ARPP21: variants seen among roughly 807,000 people sequenced by gnomAD.
ARPP21 encodes cAMP regulated phosphoprotein 21, also known as cAMP-regulated phosphoprotein 21.
ARPP21 carries 69 observed loss-of-function variants against 113.2 expected under a neutral mutation model. The observed-to-expected ratio is 0.61, with a 90% CI of 0.50 to 0.74. The LOEUF (loss-of-function observed/expected upper bound fraction) is 0.74, where lower values mean the gene tolerates loss of function less well. Among genes scored for constraint, ARPP21 ranks in the 30% least tolerant of loss-of-function variants. ARPP21 has a pLI of 0.00. For synonymous variants in ARPP21, 368 were observed against 375.5 expected (o/e 0.98, Z 0.23); for missense variants, 1,070 against 1,037.4 (o/e 1.03, Z -0.43).
chr3:35,758,289 C>T (rs1041679364), intron 19 of ARPP21, among the ~76,000 whole-genome samples: 3 of 151,790 alleles, frequency 2.0e-5, no homozygotes, highest in East Asian at 1.9e-4. Flanking sequence ...ACTTGGGGGG[C>T]GGGGGAACTA....
intron 1 of ARPP21, among the ~76,000 whole-genome samples, chr3:35,659,013 G>A (rs897471576): frequency 2.0e-5 from 3 of 152,094 alleles, no homozygotes; most frequent in African/African-American, 7.2e-5. Context: ...AAATGATAAA[G>A]TCTTTGAATT....
intron 19 of ARPP21, among the ~76,000 whole-genome samples, chr3:35,780,551 C>T (rs1475178449): frequency 6.6e-6 from 1 of 151,986 alleles, no homozygotes; most frequent in African/African-American, 2.4e-5. Context: ...GTGTAATTTG[C>T]CAGATCCCAC....
At chr3:35,706,259 C>G (rs1319569778) in intron 9 of ARPP21, among the ~76,000 whole-genome samples, 1 of 152,070 alleles carries the variant, frequency 6.6e-6, no homozygotes, top group African/African-American at 2.4e-5. Context: ...GGAAGTGGAG[C>G]CCTTTCCTTT....
intron 1 of ARPP21, among the ~76,000 whole-genome samples, chr3:35,653,133 A>G (rs916843504): frequency 6.6e-6 from 1 of 151,926 alleles, no homozygotes; most frequent in Non-Finnish European, 1.5e-5. Context: ...ATGTTACCTG[A>G]TATTTATAAA....
At chr3:35,767,561 A>G (rs936865348) in intron 19 of ARPP21, among the ~76,000 whole-genome samples, 2 of 152,148 alleles carry the variant, frequency 1.3e-5, no homozygotes, top group Non-Finnish European at 2.9e-5. Flanking sequence ...AAAAATGCCA[A>G]GTTTTATAAT....
At chr3:35,748,462 GAA>G (rs1204129614) in intron 19 of ARPP21, among the ~76,000 whole-genome samples, 8 of 137,148 alleles carry the variant, frequency 5.8e-5, no homozygotes, top group African/African-American at 8.1e-5. Context: ...GAAAGAAAAA[GAA>G]AGAGAGAGAG....
At chr3:35,654,701 A>G (rs1336324577) in intron 1 of ARPP21, among the ~76,000 whole-genome samples, 1 of 152,036 alleles carries the variant, frequency 6.6e-6, no homozygotes, top group Non-Finnish European at 1.5e-5. Context: ...GTGCAGGATC[A>G]GGGTGGCCTT....
intron 2 of ARPP21, among the ~76,000 whole-genome samples, chr3:35,680,361 G>A (rs1247707966): frequency 6.6e-6 from 1 of 151,852 alleles, no homozygotes; most frequent in Non-Finnish European, 1.5e-5. Flanking sequence ...TTGCTTACTA[G>A]TCACTTTACA....
intron 9 of ARPP21, among the ~76,000 whole-genome samples, chr3:35,695,011 A>G (rs552913835): frequency 3.1e-4 from 46 of 149,914 alleles, no homozygotes; most frequent in Non-Finnish European, 5.9e-4. Context: ...ATAAAAATGT[A>G]AGCTTTACTC....
At chr3:35,665,443 ACT>A (rs2074107527) in intron 1 of ARPP21, among the ~76,000 whole-genome samples, 1 of 152,156 alleles carries the variant, frequency 6.6e-6, no homozygotes, top group Admixed American at 6.5e-5. Flanking sequence ...ATACATGGAC[ACT>A]CTAAAAATAT....
At chr3:35,691,134 C>A in intron 9 of ARPP21, 129 bp downstream of exon 9, 1 of 996,606 alleles carries the variant, frequency 1.0e-6, no homozygotes, top group Non-Finnish European at 1.4e-6. Context: ...TTGCTCTTAT[C>A]AGAAGTAGTG....
chr3:35,668,993 T>C (rs370666064), intron 1 of ARPP21, among the ~76,000 whole-genome samples: 1 of 152,156 alleles, frequency 6.6e-6, no homozygotes. Flanking sequence ...CAATAAAGAA[T>C]AAATGACCCC....
At chr3:35,697,947 A>G (rs2084698926) in intron 9 of ARPP21, among the ~76,000 whole-genome samples, 3 of 151,670 alleles carry the variant, frequency 2.0e-5, no homozygotes, top group Non-Finnish European at 4.4e-5. Flanking sequence ...CCAAGCATCA[A>G]TTTATTTAAG....
intron 19 of ARPP21, among the ~76,000 whole-genome samples, chr3:35,766,850 T>C (rs931195432): frequency 1.3e-5 from 2 of 152,126 alleles, no homozygotes; most frequent in African/African-American, 4.8e-5. Flanking sequence ...TGTGTGTGTG[T>C]GTACATGAAT....
intron 19 of ARPP21, among the ~76,000 whole-genome samples, chr3:35,755,436 C>T (rs1463573061): frequency 2.0e-5 from 3 of 151,964 alleles, no homozygotes; most frequent in South Asian, 4.1e-4. Flanking sequence ...ATAAAATTTG[C>T]ACTTCAAACT....
intron 1 of ARPP21, among the ~76,000 whole-genome samples, chr3:35,676,400 G>C (rs1042710629): frequency 7.1e-5 from 5 of 70,880 alleles, no homozygotes; most frequent in African/African-American, 2.6e-4. Context: ...AAAATGTCAG[G>C]CTCTTAGATT....
chr3:35,732,115 T>C (rs2094020027), intron 15 of ARPP21, among the ~76,000 whole-genome samples: 1 of 152,146 alleles, frequency 6.6e-6, no homozygotes, highest in Admixed American at 6.5e-5. Flanking sequence ...ATTTGGAATG[T>C]CGTTCATGTG....
chr3:35,683,936 AT>A, intron 5 of ARPP21, 121 bp downstream of exon 5: 1 of 1,067,096 alleles, frequency 9.4e-7, no homozygotes, highest in Non-Finnish European at 1.5e-6. Context: ...AAAATAATTC[AT>A]TTTTTGGCTT....
rs193176719 is a variant in ARPP21 at position 35,644,442 on chromosome 3, C to T, written c.-213+4044C>T. Among the ~76,000 whole-genome samples, 25 of 151,788 alleles carry T rather than the reference C, an allele frequency of 1.6e-4. No individual in the cohort carries two copies. In the East Asian group the frequency reaches 1.7e-3, roughly 11 times the overall value. On this transcript the variant is annotated intron_variant, in intron 1 of 20. Coordinates refer to ENST00000684406, the MANE Select transcript of ARPP21 (RefSeq NM_001385562.1). ...TATGTTTCATTAAGAATAAAGTGCA[C>T]GAGAAAGAATATCTGGTTCATTCAG... is the stretch of plus-strand genomic sequence containing the variant.
Sources: gnomAD v4.1 joint callset for allele counts (sites outside exome capture counted in the v4.1 genomes callset) on GRCh38, gnomAD v4.1.1 for gene constraint, MANE v1.5 for transcripts, NCBI Gene and HGNC (gene_info 2026-07-23, HGNC 2026-07-21) for gene names.